Variants in AMZ1 observed in about 807,000 individuals in gnomAD.
The protein encoded by AMZ1 is archaemetzincin-1.
AMZ1 carries 39 observed loss-of-function variants against 29.9 expected under a neutral mutation model. That is an observed-to-expected ratio of 1.30 (90% CI 1.01 to 1.70). The LOEUF (loss-of-function observed/expected upper bound fraction) is 1.70, where lower values mean the gene tolerates loss of function less well. AMZ1 is among the 40% of genes most tolerant of loss of function. AMZ1 has a pLI of 0.00. For missense variants in AMZ1, 1,041 were observed against 680.6 expected, an observed-to-expected ratio of 1.53 and a Z score of -5.89; for synonymous variants, 458 against 304.0, an observed-to-expected ratio of 1.51 and a Z score of -5.27.
intron 1 of AMZ1, 82 bp downstream of exon 1, chr7:2,688,378 C>G (rs984510568): frequency 1.3e-5 from 2 of 151,810 alleles, no homozygotes; most frequent in South Asian, 4.1e-4. Flanking sequence ...AGGGGCAGCT[C>G]CGGGTCCAGC....
chr7:2,754,443 T>C (rs1274409935), intron 4 of AMZ1, among the ~76,000 whole-genome samples: 1 of 152,158 alleles, frequency 6.6e-6, no homozygotes, highest in Non-Finnish European at 1.5e-5. Flanking sequence ...CTTTTCATCC[T>C]CTTACTAAGA....
intron 4 of AMZ1, among the ~76,000 whole-genome samples, chr7:2,739,417 G>A (rs574566297): frequency 1.2e-4 from 18 of 152,240 alleles, no homozygotes; most frequent in East Asian, 3.9e-4. Context: ...TACTTGGTGC[G>A]GCATTTCCGA....
rs13308510 is a variant in AMZ1 at position 2,715,684 on chromosome 7, G to A, written c.*2806G>A. ...TTTTGAAATGCAACTTTGAGGAAGA[G>A]AAATTGGTTTCCCTCCTCTCCCCCG... On this transcript the variant is annotated 3_prime_UTR_variant, in exon 7 of 7. Transcript: ENST00000683327. 1 of 113,866 alleles carries A rather than the reference G, an allele frequency of 8.8e-6. No individual in the cohort carries two copies. Among genetic ancestry groups the A allele is most frequent in the Non-Finnish European group, 2.0e-5 (1 of 50,592 alleles). 7.1% of individuals were successfully genotyped at this position (113,866 alleles called of 1,614,324 possible). A position where few individuals can be genotyped will look rare whatever the true frequency, so the allele number is the denominator to read the frequency against.
chr7:2,691,680 G>A (rs990916907), intron 1 of AMZ1, among the ~76,000 whole-genome samples: 1 of 139,128 alleles, frequency 7.2e-6, no homozygotes, highest in Non-Finnish European at 1.5e-5. Context: ...GCAGTGAGCC[G>A]AGATTGCGCC....
intron 4 of AMZ1, among the ~76,000 whole-genome samples, chr7:2,743,866 G>C (rs901088433): frequency 1.3e-5 from 2 of 152,062 alleles, no homozygotes; most frequent in African/African-American, 2.4e-5. Context: ...CGGCACACCA[G>C]ATTACATCCC....
At chr7:2,752,015 T>C (rs1198750438) in intron 4 of AMZ1, among the ~76,000 whole-genome samples, 1 of 152,136 alleles carries the variant, frequency 6.6e-6, no homozygotes, top group Non-Finnish European at 1.5e-5. Context: ...GCCAGCATCA[T>C]CCTGGTACCC....
At position 2,708,322 on chromosome 7, in the gene AMZ1, T is replaced by C. The variant is rs113339651; in HGVS notation, c.473-266T>C. ...CTGGGGCTGCAAGCGCCAGTCTTGT[T>C]GGCCCGGCTGCCTCTCCAGCGTCCC... On this transcript the variant is annotated intron_variant, in intron 3 of 6. Transcript: ENST00000683327. Among the ~76,000 whole-genome samples the C allele has an allele frequency of 4.7e-4, 71 of 152,284 alleles. 2 individuals carry two copies. The highest frequency in any genetic ancestry group is 1.7e-3 in the African/African-American group (70 of 41,570).
intron 4 of AMZ1, among the ~76,000 whole-genome samples, chr7:2,758,430 G>GCAGT (rs1791403111): frequency 2.6e-5 from 4 of 152,186 alleles, no homozygotes; most frequent in Non-Finnish European, 5.9e-5. Context: ...AGTTTCATGT[G>GCAGT]TTCTGTGCTG....
rs1030466417 is a variant in AMZ1, at chr7:2,718,413, C to T, written c.*5535C>T. Among the ~76,000 whole-genome samples, 1 of 152,238 alleles carries T rather than the reference C, an allele frequency of 6.6e-6. No individual in the cohort carries two copies. The highest frequency in any genetic ancestry group is 1.5e-5 in the Non-Finnish European group (1 of 68,038). The stretch of plus-strand genomic sequence containing the variant: ...AGACCATCTCCCGTTCAAGGGCCCT[C>T]ACCGCGCTTTGTGAGTCTGTCTCGT... On this transcript the variant is annotated 3_prime_UTR_variant, in exon 7 of 7. Transcript: ENST00000683327.
At chr7:2,764,968 A>C (rs1219860593) in intron 1 of AMZ1, 1 of 152,248 alleles carries the variant, frequency 6.6e-6, no homozygotes, top group African/African-American at 2.4e-5. Context: ...GTACGGTGGA[A>C]AAGTAATAAG....
chr7:2,726,053 T>G (rs576328589), intron 4 of AMZ1, among the ~76,000 whole-genome samples: 2 of 152,224 alleles, frequency 1.3e-5, no homozygotes, highest in Non-Finnish European at 2.9e-5. Flanking sequence ...AGTCTTAAAG[T>G]GGCCTGTCCT....
chr7:2,706,741 T>C (rs1357503297), intron 3 of AMZ1, among the ~76,000 whole-genome samples: 1 of 151,612 alleles, frequency 6.6e-6, no homozygotes, highest in Non-Finnish European at 1.5e-5. Flanking sequence ...ACAGATCCTG[T>C]TTCCAAACAA....
In AMZ1 at chr7:2,688,208, C is replaced by A; in HGVS notation, c.-307C>A. The A allele has an allele frequency of 6.6e-6, 1 of 152,402 alleles. No homozygotes were observed. Among genetic ancestry groups the A allele is most frequent in the South Asian group, 2.1e-4 (1 of 4,842 alleles). 9.4% of individuals were successfully genotyped at this position (152,402 alleles called of 1,614,324 possible). A position where few individuals can be genotyped will look rare whatever the true frequency, so the allele number is the denominator to read the frequency against. ...GACGTCACCGGGACCTCCCGATCCT[C>A]CCGGCCCAGGCCGAGCTGCCCACGC... On this transcript the variant is annotated 5_prime_UTR_variant, in exon 1 of 7. Transcript: ENST00000683327.
chr7:2,734,577 G>A (rs1790064567), intron 4 of AMZ1, among the ~76,000 whole-genome samples: 1 of 152,240 alleles, frequency 6.6e-6, no homozygotes, highest in South Asian at 2.1e-4. Context: ...AAGGGATGGA[G>A]AAAGGCGGCC....
At chr7:2,703,009 C>A (rs1308648384) in intron 3 of AMZ1, 120 bp downstream of exon 3, 1 of 1,341,806 alleles carries the variant, frequency 7.5e-7, no homozygotes, top group Non-Finnish European at 1.0e-6. Context: ...GGGAAACATC[C>A]ATTTCCCAGG....
At chr7:2,753,859 T>G (rs1251503617) in intron 4 of AMZ1, among the ~76,000 whole-genome samples, 34 of 152,342 alleles carry the variant, frequency 2.2e-4, no homozygotes, top group Non-Finnish European at 5.9e-5. Flanking sequence ...CTCTTCTGGT[T>G]TAGGAACAAT....
intron 3 of AMZ1, among the ~76,000 whole-genome samples, chr7:2,703,829 C>G (rs1788198059): frequency 6.6e-6 from 1 of 152,228 alleles, no homozygotes; most frequent in East Asian, 1.9e-4. Flanking sequence ...ATCATTCATG[C>G]TTTAGTCTGA....
chr7:2,684,873 T>G (rs904292980), upstream of AMZ1, among the ~76,000 whole-genome samples: 1 of 102,384 alleles, frequency 9.8e-6, no homozygotes, highest in Non-Finnish European at 1.7e-5. Context: ...ACATAATTGC[T>G]TTTTTTTTTT....
At chr7:2,695,374 C>G (rs967128608) in intron 1 of AMZ1, among the ~76,000 whole-genome samples, 17 of 152,130 alleles carry the variant, frequency 1.1e-4, no homozygotes, top group Non-Finnish European at 8.8e-5. Context: ...GTGGTCCCAG[C>G]AAGGTGGGGC....
Sources: allele counts gnomAD v4.1 joint callset (sites outside exome capture counted in the v4.1 genomes callset), GRCh38; gene constraint gnomAD v4.1.1; transcripts MANE v1.5; gene names NCBI Gene and HGNC (gene_info 2026-07-23, HGNC 2026-07-21).